Variants in EGF observed in about 807,000 individuals in gnomAD.
The protein encoded by EGF is pro-epidermal growth factor.
A neutral mutation model predicts 143.8 loss-of-function variants in EGF; 95 were observed. That is an observed-to-expected ratio of 0.66 (90% CI 0.56 to 0.78). The LOEUF (loss-of-function observed/expected upper bound fraction) is 0.78, where lower values mean the gene tolerates loss of function less well. Ranked by LOEUF, EGF falls within the 30% of genes least tolerant of loss-of-function variation. EGF has a pLI of 0.00. For synonymous variants in EGF, 510 were observed against 510.5 expected, an observed-to-expected ratio of 1.00 and a Z score of 0.01; for missense variants, 1,320 against 1,470.9, an observed-to-expected ratio of 0.90 and a Z score of 1.68.
intron 5 of EGF, among the ~76,000 whole-genome samples, chr4:109,958,795 G>A (rs1424581462): frequency 6.6e-6 from 1 of 151,536 alleles, no homozygotes; most frequent in African/African-American, 2.4e-5. Flanking sequence ...GTGTGCACCT[G>A]TAATCCCAGC....
Position 109,994,726 on chromosome 4 carries a change from C to A in EGF, c.2858-7C>A. 6.2e-7 allele frequency: 1 copy of A among 1,613,828 alleles called. No homozygotes were observed. The highest frequency in any genetic ancestry group is 8.5e-7 in the Non-Finnish European group (1 of 1,179,942). On this transcript the variant is annotated splice_region_variant and splice_polypyrimidine_tract_variant and intron_variant, in intron 19 of 23. Coordinates refer to ENST00000265171, the MANE Select transcript of EGF (RefSeq NM_001963.6). ...GAAAGTAAAAGTAATGTCTTGGGTTCTTTTAGACTCTACTCCACCCCCTCA... is the reference window on the plus strand; with the variant it reads ...GAAAGTAAAAGTAATGTCTTGGGTTATTTTAGACTCTACTCCACCCCCTCA...
At chr4:110,011,040 C>CAA (rs1396675873) in intron 23 of EGF, among the ~76,000 whole-genome samples, 162 bp from the exon 24 acceptor site, 3 of 128,606 alleles carry the variant, frequency 2.3e-5, no homozygotes, top group African/African-American at 8.5e-5. Context: ...AGATGCTTAT[C>CAA]AAAAAAAAAA....
intron 20 of EGF, among the ~76,000 whole-genome samples, chr4:109,997,012 T>C (rs1272100357): frequency 6.6e-6 from 1 of 152,112 alleles, no homozygotes. Flanking sequence ...TTTTTTTTTT[T>C]CAGGAGACCA....
intron 1 of EGF, among the ~76,000 whole-genome samples, chr4:109,929,248 C>A (rs919994824): frequency 6.6e-6 from 1 of 152,124 alleles, no homozygotes. Flanking sequence ...TAGCTTTGTA[C>A]CCCTACCCCG....
intron 20 of EGF, among the ~76,000 whole-genome samples, chr4:109,997,787 C>T (rs1416355753): frequency 3.9e-5 from 6 of 152,034 alleles, no homozygotes; most frequent in Admixed American, 3.9e-4. Flanking sequence ...CGCTTGAGCC[C>T]AGGAAGCTGA....
At chr4:109,940,915 T>A (rs1218434460) in intron 1 of EGF, 31 bp from the exon 2 acceptor site, 1 of 1,595,504 alleles carries the variant, frequency 6.3e-7, no homozygotes, top group South Asian at 1.1e-5. Context: ...ATATTAAAAG[T>A]ATACAGTTTG....
intron 5 of EGF, among the ~76,000 whole-genome samples, chr4:109,957,706 T>A (rs1745021127): frequency 1.3e-5 from 2 of 152,224 alleles, no homozygotes; most frequent in Admixed American, 1.3e-4. Flanking sequence ...GCTGATTTGT[T>A]TCCTGTGTCC....
intron 5 of EGF, among the ~76,000 whole-genome samples, chr4:109,954,609 T>C (rs910661562): frequency 5.3e-5 from 8 of 152,330 alleles, no homozygotes; most frequent in East Asian, 1.9e-4. Flanking sequence ...GCAGTCATTA[T>C]TGAGAACTCA....
intron 14 of EGF, chr4:109,980,608 C>T (rs933875143): frequency 5.7e-6 from 3 of 528,758 alleles, no homozygotes; most frequent in South Asian, 4.0e-5. Flanking sequence ...CTGGCTATAC[C>T]CAGTACTAAT....
chr4:109,993,357 C>G lies in EGF; in HGVS notation c.2845C>G (p.Leu949Val). ...TGCTGGACGCCTGTCTGAACCAGGA[C>G]TGATTTGCCCTGGTAGGTTGGTGGG... ...MCAGRLSEPG[L>V]ICPDSTPPPH... The change falls in exon 19 of 24, where the codon CTG becomes GTG. Residue 949 changes from leucine to valine, a missense_variant. Physicochemically the swap from Leu to Val is conservative, Grantham distance 32. Coordinates refer to ENST00000265171, the MANE Select transcript of EGF (RefSeq NM_001963.6). 1.2e-6 allele frequency: 2 copies of G among 1,613,458 alleles called. No individual in the cohort carries two copies. The highest frequency in any genetic ancestry group is 2.2e-5 in the South Asian group (2 of 91,062).
At chr4:109,962,088 A>C (rs1745797821) in intron 8 of EGF, 103 bp downstream of exon 8, 1 of 1,535,856 alleles carries the variant, frequency 6.5e-7, no homozygotes. Context: ...TTGATTTTCC[A>C]ATATTGTATA....
chr4:109,955,705 A>G (rs1744679409), intron 5 of EGF, among the ~76,000 whole-genome samples: 1 of 152,198 alleles, frequency 6.6e-6, no homozygotes, highest in African/African-American at 2.4e-5. Context: ...GGAAAAAACA[A>G]ATAGGGAGTT....
intron 1 of EGF, among the ~76,000 whole-genome samples, chr4:109,939,406 T>G (rs116930491): frequency 6.6e-6 from 1 of 152,314 alleles, no homozygotes; most frequent in East Asian, 1.9e-4. Flanking sequence ...AAGCGCAGTA[T>G]TTGGACAAAA....
At chr4:109,969,728 G>A (rs1389158188) in intron 11 of EGF, among the ~76,000 whole-genome samples, 2 of 152,096 alleles carry the variant, frequency 1.3e-5, no homozygotes, top group Non-Finnish European at 2.9e-5. Flanking sequence ...GACTTTCTCC[G>A]AAGTCACATG....
At chr4:110,005,391 A>G (rs1356103133) in intron 22 of EGF, among the ~76,000 whole-genome samples, 1 of 151,908 alleles carries the variant, frequency 6.6e-6, no homozygotes, top group Non-Finnish European at 1.5e-5. Context: ...TATTTTCTTA[A>G]TATTTCTTTT....
At chr4:109,959,508 A>C in intron 6 of EGF, 71 bp downstream of exon 6, 6 of 1,610,480 alleles carry the variant, frequency 3.7e-6, no homozygotes, top group Non-Finnish European at 5.1e-6. Context: ...CAACTGAGCC[A>C]GCGGCTTGTC....
intron 2 of EGF, 57 bp from the exon 3 acceptor site, chr4:109,943,197 T>C: frequency 8.2e-7 from 1 of 1,226,754 alleles, no homozygotes. Flanking sequence ...ACAATTAAAA[T>C]AATTTTGTTG....
chr4:109,932,240 T>C (rs2125977890), intron 1 of EGF, among the ~76,000 whole-genome samples: 1 of 150,990 alleles, frequency 6.6e-6, no homozygotes, highest in Middle Eastern at 3.4e-3. Context: ...TTATTCAAAA[T>C]TTTTGAGTGC....
intron 11 of EGF, among the ~76,000 whole-genome samples, chr4:109,970,621 TC>T (rs1747419230): frequency 6.6e-6 from 1 of 151,992 alleles, no homozygotes; most frequent in South Asian, 2.1e-4. Context: ...GGTCAGGAGA[TC>T]GAGACCATCC....
Sources: allele counts gnomAD v4.1 joint callset (sites outside exome capture counted in the v4.1 genomes callset), GRCh38; gene constraint gnomAD v4.1.1; transcripts MANE v1.5; gene names NCBI Gene and HGNC (gene_info 2026-07-23, HGNC 2026-07-21).